Variants in USP3 observed in about 807,000 individuals in gnomAD.
USP3 encodes the protein ubiquitin specific peptidase 3, also known as ubiquitin carboxyl-terminal hydrolase 3.
In USP3, 20 loss-of-function variants were observed where a neutral mutation model predicts 72.3. The ratio of observed to expected loss-of-function variants is 0.28; its 90% CI spans 0.19 to 0.40. The LOEUF (loss-of-function observed/expected upper bound fraction) is 0.40. Among genes scored for constraint, USP3 ranks in the 10% least tolerant of loss-of-function variants. USP3 has a pLI of 1.00. For synonymous variants in USP3, 222 were observed against 225.3 expected, an observed-to-expected ratio of 0.99 and a Z score of 0.13; for missense variants, 479 against 633.9, an observed-to-expected ratio of 0.76 and a Z score of 2.62.
At chr15:63,523,542 C>A (rs1446968280) in intron 1 of USP3, among the ~76,000 whole-genome samples, 1 of 152,092 alleles carries the variant, frequency 6.6e-6, no homozygotes, top group African/African-American at 2.4e-5. Flanking sequence ...GAATTCTTCT[C>A]GAAGGGTTCA....
chr15:63,526,452 T>C (rs889062331), intron 1 of USP3, among the ~76,000 whole-genome samples: 1 of 152,210 alleles, frequency 6.6e-6, no homozygotes, highest in African/African-American at 2.4e-5. Context: ...AGCACCTGTA[T>C]ATAGCACACA....
intron 8 of USP3, among the ~76,000 whole-genome samples, chr15:63,565,942 C>A (rs2152675718): frequency 6.6e-6 from 1 of 152,286 alleles, no homozygotes; most frequent in African/African-American, 2.4e-5. Flanking sequence ...TCACTCCTTG[C>A]TTTTCTTAAC....
intron 9 of USP3, among the ~76,000 whole-genome samples, chr15:63,571,759 G>A (rs1566912753): frequency 6.6e-6 from 1 of 152,186 alleles, no homozygotes; most frequent in East Asian, 1.9e-4. Context: ...AGTGCCTCAT[G>A]AGTTTTCAGG....
At chr15:63,583,191 T>C (rs2066994920) in intron 11 of USP3, among the ~76,000 whole-genome samples, 1 of 152,174 alleles carries the variant, frequency 6.6e-6, no homozygotes, top group African/African-American at 2.4e-5. Context: ...CAGGCAACAA[T>C]GTCTTGCTGG....
chr15:63,505,026 C>T (rs1475792691), intron 1 of USP3, among the ~76,000 whole-genome samples, 196 bp downstream of exon 1: 1 of 150,572 alleles, frequency 6.6e-6, no homozygotes, highest in Non-Finnish European at 1.5e-5. Context: ...TTCCCGAGGC[C>T]CGACGGCCGG....
chr15:63,558,198 C>G lies in USP3; in HGVS notation c.533+10C>G. 1 of 1,613,878 alleles carries G rather than the reference C, an allele frequency of 6.2e-7. No homozygotes were observed. The highest frequency in any genetic ancestry group is 8.5e-7 in the Non-Finnish European group (1 of 1,179,924). ...TCCTTCAGTCACTCAGGTAACGCTA[C>G]AGTCAGAGCTTAAGTGTCTGACATT... On this transcript the variant is annotated intron_variant, in intron 6 of 14. Coordinates refer to ENST00000380324, the MANE Select transcript of USP3 (RefSeq NM_006537.4).
In USP3 at chr15:63,553,837, T is replaced by C. The variant is rs1338678551; in HGVS notation, c.368+39T>C. 1 of 1,569,674 alleles carries C rather than the reference T, an allele frequency of 6.4e-7. No individual in the cohort carries two copies. Among genetic ancestry groups the C allele is most frequent in the Non-Finnish European group, 8.7e-7 (1 of 1,148,670 alleles). ...CTTTGGAAAAAGAAGGGCCTAAGAA[T>C]GGGGTTGAGGAGTCTTTTAGAATTT... On this transcript the variant is annotated intron_variant, in intron 4 of 14. Coordinates refer to ENST00000380324, the MANE Select transcript of USP3 (RefSeq NM_006537.4). The surrounding 1 kb of genome is among the most constrained non-coding windows in gnomAD (Gnocchi z 4.2).
At chr15:63,541,207 T>C (rs1002937923) in intron 3 of USP3, among the ~76,000 whole-genome samples, 1 of 152,176 alleles carries the variant, frequency 6.6e-6, no homozygotes, top group Admixed American at 6.5e-5. Flanking sequence ...AAAGCATCCT[T>C]TCAAATGAAG....
At chr15:63,543,000 A>G (rs1187418963) in intron 3 of USP3, among the ~76,000 whole-genome samples, 3 of 152,226 alleles carry the variant, frequency 2.0e-5, no homozygotes, top group African/African-American at 7.2e-5. Context: ...AATGTAAGAC[A>G]CTTTGGAAAG....
rs531396322 is a variant in USP3 at position 63,577,293 on chromosome 15, A to C, written c.1096+2890A>C. ...AGAGATCAAATAGGACTGATTTAAT[A>C]CTAGAAATATAATTAGGTGAAAACA... is the stretch of plus-strand genomic sequence containing the variant. On this transcript the variant is annotated intron_variant, in intron 11 of 14. Coordinates refer to ENST00000380324, the MANE Select transcript of USP3 (RefSeq NM_006537.4). Among the ~76,000 whole-genome samples the C allele has an allele frequency of 7.9e-4, 121 of 152,376 alleles. 3 individuals carry two copies. In the South Asian group the frequency reaches 0.024, roughly 31 times the overall value.
intron 11 of USP3, among the ~76,000 whole-genome samples, chr15:63,576,351 C>CA (rs1426474412): frequency 4.6e-5 from 7 of 152,204 alleles, no homozygotes; most frequent in Non-Finnish European, 8.8e-5. Context: ...CTAGAAGACT[C>CA]AGAGACACTA....
At chr15:63,564,060 G>A (rs1335303932) in intron 8 of USP3, among the ~76,000 whole-genome samples, 1 of 152,190 alleles carries the variant, frequency 6.6e-6, no homozygotes, top group Non-Finnish European at 1.5e-5. Context: ...AGGAATGACA[G>A]TTAAGTTACC....
At chr15:63,568,244 CTG>C (rs947510130) in intron 8 of USP3, among the ~76,000 whole-genome samples, 3 of 151,692 alleles carry the variant, frequency 2.0e-5, no homozygotes, top group Non-Finnish European at 4.4e-5. Flanking sequence ...CCCAGCTACT[CTG>C]GAGCTGAGTG....
intron 3 of USP3, among the ~76,000 whole-genome samples, chr15:63,545,122 A>T (rs2066300898): frequency 6.6e-6 from 1 of 152,216 alleles, no homozygotes; most frequent in African/African-American, 2.4e-5. Context: ...GAGAAAATTG[A>T]GCAGTTTCAT....
chr15:63,590,468 T>C (rs2067174558), intron 14 of USP3, among the ~76,000 whole-genome samples, 193 bp from the exon 15 acceptor site: 1 of 151,568 alleles, frequency 6.6e-6, no homozygotes, highest in Non-Finnish European at 1.5e-5. Flanking sequence ...TCCAGGGCCA[T>C]CTGCTTTGTG....
intron 11 of USP3, among the ~76,000 whole-genome samples, chr15:63,582,870 G>C (rs2066988234): frequency 6.6e-6 from 1 of 151,638 alleles, no homozygotes; most frequent in Non-Finnish European, 1.5e-5. Flanking sequence ...GAACAAGAGA[G>C]CAGTCTAGTA....
chr15:63,588,676 T>A lies in USP3; in HGVS notation c.1216-26T>A. The A allele has an allele frequency of 1.9e-6, 3 of 1,551,720 alleles. No individual in the cohort carries two copies. The highest frequency in any genetic ancestry group is 1.1e-5 in the South Asian group (1 of 88,716). ...TGAAAGGTAAATTAGGTGTTCACAA[T>A]CTTTGACCGCATCTCTGTCCTCCAG... On this transcript the variant is annotated intron_variant, in intron 12 of 14. Coordinates refer to ENST00000380324, the MANE Select transcript of USP3 (RefSeq NM_006537.4). This position sits in a 1 kb window ranked among gnomAD's most constrained non-coding sequence, Gnocchi z 4.6.
At chr15:63,527,008 C>A (rs571609905) in intron 1 of USP3, among the ~76,000 whole-genome samples, 1 of 152,338 alleles carries the variant, frequency 6.6e-6, no homozygotes, top group South Asian at 2.1e-4. Flanking sequence ...GATTCTCCCG[C>A]CTCAGCCTCC....
intron 1 of USP3, among the ~76,000 whole-genome samples, chr15:63,520,216 C>T (rs1456358907): frequency 3.9e-5 from 6 of 152,208 alleles, no homozygotes; most frequent in Admixed American, 3.9e-4. Flanking sequence ...CTGATACCTA[C>T]AATTTCATTC....
Sources: gnomAD v4.1 joint callset for allele counts (sites outside exome capture counted in the v4.1 genomes callset) on GRCh38, gnomAD v4.1.1 for gene constraint, Gnocchi (gnomAD v3.1) non-coding constraint, MANE v1.5 for transcripts, NCBI Gene and HGNC (gene_info 2026-07-23, HGNC 2026-07-21) for gene names.